PRSS55: variants seen among roughly 807,000 people sequenced by gnomAD.
PRSS55 encodes probable serine protease UNQ9391/PRO34284.
In PRSS55, 41 loss-of-function variants were observed where a neutral mutation model predicts 23.6. The ratio of observed to expected loss-of-function variants is 1.74; its 90% CI spans 1.35 to 2.26. The LOEUF is 2.26. PRSS55 is among the 30% of genes most tolerant of loss of function. The pLI, the probability that PRSS55 is intolerant of heterozygous loss-of-function variation, is 0.00. For missense variants in PRSS55, 669 were observed against 439.1 expected, an observed-to-expected ratio of 1.52 and a Z score of -4.68; for synonymous variants, 262 against 175.5, an observed-to-expected ratio of 1.49 and a Z score of -3.90.
Position 10,538,766 on chromosome 8 carries a change from T to C in PRSS55, c.1032T>C (p.His344=), listed in dbSNP as rs755329921. The C allele has an allele frequency of 6.3e-7, 1 of 1,594,954 alleles. No homozygotes were observed. Among genetic ancestry groups the C allele is most frequent in the Admixed American group, 1.8e-5 (1 of 55,816 alleles). Residue 344 remains histidine, a synonymous_variant, in exon 5 of 5, where the codon CAT becomes CAC. Transcript: ENST00000328655. ...RSWLLLCPLS[H]VLFRAILY Reference sequence around the variant, plus strand: ...GGCTCCTGCTCTGTCCCCTGTCCCATGTGTTGTTCAGAGCTATTTTGTACT... The same window carrying C: ...GGCTCCTGCTCTGTCCCCTGTCCCACGTGTTGTTCAGAGCTATTTTGTACT...
At chr8:10,543,476 CTCTCTTT>C (rs1812726363), downstream of PRSS55, among the ~76,000 whole-genome samples, 1 of 28,212 alleles carries the variant, frequency 3.5e-5, no homozygotes, top group African/African-American at 7.5e-5. Flanking sequence ...TTCTTTCTTT[CTCTCTTT>C]TTTTTTTTTT....
Position 10,531,427 on chromosome 8 carries a change from G to A in PRSS55, c.480G>A (p.Leu160=), listed in dbSNP as rs1563537643. ...RANMDNDIAL[L]LLASPIKLDD... ...ACATGGACAATGACATTGCCTTGCTGCTGCTGGCTTCGCCCATCAAGCTCG... is the reference window on the plus strand; with the variant it reads ...ACATGGACAATGACATTGCCTTGCTACTGCTGGCTTCGCCCATCAAGCTCG... The change falls in exon 3 of 5, where the codon CTG becomes CTA. Residue 160 remains leucine, a synonymous_variant. Coordinates refer to ENST00000328655, the MANE Select transcript of PRSS55 (RefSeq NM_198464.4). The A allele has an allele frequency of 1.2e-6, 2 of 1,614,232 alleles. No homozygotes were observed. Among genetic ancestry groups the A allele is most frequent in the South Asian group, 1.1e-5 (1 of 91,088 alleles).
At chr8:10,533,699 C>T (rs750972552) in intron 4 of PRSS55, among the ~76,000 whole-genome samples, 4 of 152,188 alleles carry the variant, frequency 2.6e-5, no homozygotes, top group Admixed American at 6.5e-5. Context: ...CTCCCTTCAT[C>T]TTAAAAGTGG....
rs148061575 is a variant in PRSS55 at position 10,538,755 on chromosome 8, C to T, written c.1021C>T (p.Pro341Ser). 6.2e-7 allele frequency: 1 copy of T among 1,604,780 alleles called. No homozygotes were observed. Among genetic ancestry groups the T allele is most frequent in the African/African-American group, 1.3e-5 (1 of 74,442 alleles). Residue 341 changes from proline (P) to serine (S), a missense_variant, in exon 5 of 5, where the codon CCC (proline) becomes TCC (serine). By Grantham distance (74) the Pro-to-Ser change is moderately conservative. Transcript: ENST00000328655. Reference sequence around the variant, plus strand: ...CCCCAGATCCTGGCTCCTGCTCTGTCCCCTGTCCCATGTGTTGTTCAGAGC... The same window carrying T: ...CCCCAGATCCTGGCTCCTGCTCTGTTCCCTGTCCCATGTGTTGTTCAGAGC... ...GSPRSWLLLC[P>S]LSHVLFRAIL...
intron 2 of PRSS55, 59 bp downstream of exon 2, chr8:10,529,758 C>T: frequency 6.6e-7 from 1 of 1,508,368 alleles, no homozygotes; most frequent in Non-Finnish European, 9.1e-7. Flanking sequence ...GGGGCACCCT[C>T]CCCCTCACCC....
chr8:10,545,881 T>G (rs565144107), intron 4 of PRSS55, among the ~76,000 whole-genome samples: 2 of 152,366 alleles, frequency 1.3e-5, no homozygotes, highest in South Asian at 4.1e-4. Flanking sequence ...ACCGGCCCAG[T>G]AAGAGGCATC....
intron 4 of PRSS55, among the ~76,000 whole-genome samples, chr8:10,545,730 A>G (rs935287031): frequency 2.6e-5 from 4 of 152,208 alleles, no homozygotes; most frequent in Non-Finnish European, 5.9e-5. Context: ...GAGACTGTAG[A>G]GACATGTGTT....
chr8:10,531,022 T>A (rs1812234411), intron 2 of PRSS55, among the ~76,000 whole-genome samples: 1 of 152,216 alleles, frequency 6.6e-6, no homozygotes, highest in Non-Finnish European at 1.5e-5. Flanking sequence ...CGGCCTTTGC[T>A]GTATTAGACA....
downstream of PRSS55, among the ~76,000 whole-genome samples, chr8:10,543,472 C>CT (rs57410388): frequency 0.021 from 600 of 28,930 alleles, 7 homozygotes; most frequent in Non-Finnish European, 0.052. Flanking sequence ...TCCTTTCTTT[C>CT]TTTCTCTCTT....
chr8:10,539,947 C>A (rs1021580479), downstream of PRSS55, among the ~76,000 whole-genome samples: 23 of 152,216 alleles, frequency 1.5e-4, no homozygotes, highest in Non-Finnish European at 5.9e-5. Context: ...CCTGAGCTCC[C>A]CTTTCCCTCG....
chr8:10,547,776 G>A (rs1812855040), intron 4 of PRSS55, among the ~76,000 whole-genome samples: 2 of 135,118 alleles, frequency 1.5e-5, no homozygotes, highest in Non-Finnish European at 3.0e-5. Flanking sequence ...TTCCGGATCT[G>A]GTGTTGCTCA....
chr8:10,538,828 G>A (rs1451287396), downstream of PRSS55: 5 of 1,521,662 alleles, frequency 3.3e-6, no homozygotes, highest in Admixed American at 8.6e-5. Flanking sequence ...AACCGAGGGA[G>A]GGTGCATGCA....
rs570113078 is a variant in PRSS55 at position 10,529,630 on chromosome 8, G to A, written c.278G>A (p.Cys93Tyr). Residue 93 changes from cysteine to tyrosine, a missense_variant, in exon 2 of 5, where the codon TGT becomes TAT. Physicochemically the swap from Cys to Tyr is radical, Grantham distance 194 (BLOSUM62 -2). Transcript: ENST00000328655. Reference sequence around the variant, plus strand: ...ATTCAGGCAAGAAGTGAACCTTTCTGTGGCGGCTCCATCCTCAACAAGTGG... The same window carrying A: ...ATTCAGGCAAGAAGTGAACCTTTCTATGGCGGCTCCATCCTCAACAAGTGG... The part of the protein sequence containing the change: ...VSIQARSEPF[C>Y]GGSILNKWWI... The A allele has an allele frequency of 1.2e-6, 2 of 1,614,208 alleles. No individual in the cohort carries two copies. The highest frequency in any genetic ancestry group is 1.3e-5 in the African/African-American group (1 of 75,050).
intron 4 of PRSS55, chr8:10,544,889 AT>A: frequency 2.2e-6 from 1 of 463,098 alleles, no homozygotes; most frequent in South Asian, 9.2e-5. Context: ...TTGTTACATT[AT>A]TTAACTTTAT....
chr8:10,542,929 A>G (rs531307668), downstream of PRSS55, among the ~76,000 whole-genome samples: 1 of 151,578 alleles, frequency 6.6e-6, no homozygotes, highest in African/African-American at 2.4e-5. Context: ...GAAATCAAGA[A>G]TCAAGGCTCA....
chr8:10,534,785 T>C (rs1340146856), intron 4 of PRSS55, among the ~76,000 whole-genome samples: 1 of 152,208 alleles, frequency 6.6e-6, no homozygotes, highest in Non-Finnish European at 1.5e-5. Flanking sequence ...TATCCCTCTT[T>C]GCAAATGATA....
At chr8:10,543,325 G>A (rs562586131), downstream of PRSS55, among the ~76,000 whole-genome samples, 2 of 152,264 alleles carry the variant, frequency 1.3e-5, no homozygotes, top group South Asian at 4.1e-4. Context: ...TGAAGTCAAA[G>A]CATGAAGACA....
At chr8:10,543,266 T>G (rs533955769), downstream of PRSS55, among the ~76,000 whole-genome samples, 16 of 152,208 alleles carry the variant, frequency 1.1e-4, no homozygotes, top group Admixed American at 4.6e-4. Flanking sequence ...TTGGAGAATG[T>G]AAGCCCGGAG....
At chr8:10,551,585 C>T (rs565639866) in intron 4 of PRSS55, among the ~76,000 whole-genome samples, 3 of 152,168 alleles carry the variant, frequency 2.0e-5, no homozygotes, top group Non-Finnish European at 4.4e-5. Flanking sequence ...TCATCTTGTG[C>T]GAGGTAGGGG....
Sources: allele counts gnomAD v4.1 joint callset (sites outside exome capture counted in the v4.1 genomes callset), GRCh38; gene constraint gnomAD v4.1.1; transcripts MANE v1.5; gene names NCBI Gene and HGNC (gene_info 2026-07-23, HGNC 2026-07-21).